Variants in SIRPA observed in about 807,000 individuals in gnomAD.
SIRPA encodes the protein signal regulatory protein alpha.
SIRPA carries 9 observed loss-of-function variants against 50.3 expected under a neutral mutation model. That is an observed-to-expected ratio of 0.18 (90% CI 0.11 to 0.31). The LOEUF (loss-of-function observed/expected upper bound fraction) is 0.31, where lower values mean the gene tolerates loss of function less well. Ranked by LOEUF, SIRPA falls within the 10% of genes least tolerant of loss-of-function variation. The probability of loss-of-function intolerance (pLI) is 1.00; values close to 1 mark genes in which losing one functional copy is unlikely to be tolerated. For synonymous variants in SIRPA, 265 were observed against 284.1 expected, an observed-to-expected ratio of 0.93 and a Z score of 0.68; for missense variants, 474 against 661.6, an observed-to-expected ratio of 0.72 and a Z score of 3.11.
intron 1 of SIRPA, among the ~76,000 whole-genome samples, chr20:1,908,695 G>A (rs1027383508): frequency 6.6e-6 from 1 of 152,150 alleles, no homozygotes; most frequent in Admixed American, 6.5e-5. Flanking sequence ...TGCACCCTCA[G>A]CACACTCATG....
rs1409081892 is a variant in SIRPA at position 1,937,187 on chromosome 20, A to G, written c.1267-133A>G. The G allele has an allele frequency of 3.7e-6, 4 of 1,092,692 alleles. No individual in the cohort carries two copies. The highest frequency in any genetic ancestry group is 2.4e-5 in the Admixed American group (1 of 42,322). The allele number at this position is 1,092,692 out of a possible 1,614,324, so 67.7% of individuals were successfully genotyped here. Reference sequence around the variant, plus strand: ...AACGTTGGCAAGAGATGAGGGGAACATGACTTATGGCTGAGCCAGTGTGGG... The same window carrying G: ...AACGTTGGCAAGAGATGAGGGGAACGTGACTTATGGCTGAGCCAGTGTGGG... On this transcript the variant is annotated intron_variant, in intron 7 of 7. Transcript: ENST00000358771. The surrounding 1 kb of genome is among the most constrained non-coding windows in gnomAD (Gnocchi z 8.3).
At chr20:1,915,795 C>T (rs538314801) in intron 2 of SIRPA, among the ~76,000 whole-genome samples, 4 of 152,344 alleles carry the variant, frequency 2.6e-5, no homozygotes, top group East Asian at 1.9e-4. Flanking sequence ...CACCTGCTGC[C>T]TCCAGAGAGC....
rs117812585 is a variant in SIRPA, at chr20:1,896,393, G to A, written c.79+867G>A. Among the ~76,000 whole-genome samples the A allele has an allele frequency of 1.5e-3, 224 of 149,292 alleles. 3 individuals are homozygous for A. The East Asian group carries it at 0.041, about 27-fold the overall frequency. On this transcript the variant is annotated intron_variant, in intron 1 of 7. Transcript: ENST00000358771. ...ACCAAAGGGTGAGGTCACCATTCAG[G>A]AGTCTTGCTTCTTAAATGGGTTTTG...
At chr20:1,926,603 C>T (rs1568509993) in intron 5 of SIRPA, among the ~76,000 whole-genome samples, 1 of 152,208 alleles carries the variant, frequency 6.6e-6, no homozygotes, top group Non-Finnish European at 1.5e-5. Context: ...TTCCAATGTG[C>T]CAGGCACTGC....
In SIRPA at chr20:1,937,092, C is replaced by T. The variant is rs879758364; in HGVS notation, c.1267-228C>T. The stretch of plus-strand genomic sequence containing the variant: ...GGGGCTGTGAGGAGACTGCACTGTG[C>T]GGGTCAGAAAGACCCTTCAGGCAGG... On this transcript the variant is annotated intron_variant, in intron 7 of 7. Transcript: ENST00000358771. The surrounding 1 kb of genome is among the most constrained non-coding windows in gnomAD (Gnocchi z 8.3). Among the ~76,000 whole-genome samples the T allele has an allele frequency of 1.3e-5, 2 of 151,862 alleles. No homozygotes were observed. Among genetic ancestry groups the T allele is most frequent in the Admixed American group, 6.6e-5 (1 of 15,256 alleles).
At chr20:1,930,226 C>T (rs1025068087) in intron 6 of SIRPA, among the ~76,000 whole-genome samples, 4 of 152,198 alleles carry the variant, frequency 2.6e-5, no homozygotes, top group Admixed American at 1.3e-4. Context: ...CGACATCCTC[C>T]AGGGTCGGAG....
Position 1,922,469 on chromosome 20 carries a change from A to C in SIRPA, c.911A>C (p.Glu304Ala). 6.2e-7 allele frequency: 1 copy of C among 1,614,248 alleles called. No homozygotes were observed. Residue 304 changes from glutamate to alanine, a missense_variant, in exon 4 of 8, where the codon GAG becomes GCG. By Grantham distance (107) the Glu-to-Ala change is moderately radical. Transcript: ENST00000358771. ...SRTETASTVT[E>A]NKDGTYNWMS... ...ACAGAAACGGCCTCAACCGTTACAG[A>C]GAACAAGGATGGTACCTACAACTGG...
rs764170810 is a variant in SIRPA at position 1,928,816 on chromosome 20, C to A, written c.1226+917C>A. Reference sequence around the variant, plus strand: ...AGGAAGACCCAGGTCCTCGGCATCCCGGTGTCCTTTGCAGATGCCCCTGCA... The same window carrying A: ...AGGAAGACCCAGGTCCTCGGCATCCAGGTGTCCTTTGCAGATGCCCCTGCA... On this transcript the variant is annotated intron_variant, in intron 6 of 7. Transcript: ENST00000358771. The surrounding 1 kb of genome is among the most constrained non-coding windows in gnomAD (Gnocchi z 4.9). Among the ~76,000 whole-genome samples, 2 of 152,122 alleles carry A rather than the reference C, an allele frequency of 1.3e-5. No individual in the cohort carries two copies. The highest frequency in any genetic ancestry group is 4.2e-4 in the South Asian group (2 of 4,816).
At chr20:1,918,360 C>CTTTTTTTT (rs60736526) in intron 2 of SIRPA, among the ~76,000 whole-genome samples, 917 of 95,462 alleles carry the variant, frequency 9.6e-3, no homozygotes, top group Non-Finnish European at 0.011. Flanking sequence ...ACCACACCAG[C>CTTTTTTTT]TTTTTTTTTT....
chr20:1,912,809 A>T (rs1984978596), intron 1 of SIRPA, among the ~76,000 whole-genome samples: 1 of 152,228 alleles, frequency 6.6e-6, no homozygotes, highest in Non-Finnish European at 1.5e-5. Flanking sequence ...TGCTGGCCCT[A>T]GCAACTGTGC....
Position 1,940,083 on chromosome 20 carries a change from G to A in SIRPA, c.*2515G>A, listed in dbSNP as rs1448437717. On this transcript the variant is annotated 3_prime_UTR_variant, in exon 8 of 8. Transcript: ENST00000358771. ...ATTTTTGTTTGCCCTGGCTCAGAAG[G>A]AGCCGGTGTAAGGTTGAGATAAAAT... is the stretch of plus-strand genomic sequence containing the variant. 2 of 152,240 alleles carry A rather than the reference G, an allele frequency of 1.3e-5. No homozygotes were observed. The highest frequency in any genetic ancestry group is 2.9e-5 in the Non-Finnish European group (2 of 68,040). 9.4% of individuals were successfully genotyped at this position (152,240 alleles called of 1,614,324 possible).
In SIRPA at chr20:1,932,984, T is replaced by A. The variant is rs1439955252; in HGVS notation, c.1227-1731T>A. ...TTTGAAAGAGAAGAACCCAATGTTT[T>A]GAGAATGGAGTTTGGGGGTTCAGTG... On this transcript the variant is annotated intron_variant, in intron 6 of 7. Coordinates refer to ENST00000358771, the MANE Select transcript of SIRPA (RefSeq NM_001040023.2). This position sits in a 1 kb window ranked among gnomAD's most constrained non-coding sequence, Gnocchi z 6.0. 6.6e-6 allele frequency among the ~76,000 whole-genome samples: 1 copy of A among 152,186 alleles called. No homozygotes were observed. Among genetic ancestry groups the A allele is most frequent in the African/African-American group, 2.4e-5 (1 of 41,440 alleles).
chr20:1,917,958 G>A (rs1467101611), intron 2 of SIRPA, among the ~76,000 whole-genome samples: 1 of 152,202 alleles, frequency 6.6e-6, no homozygotes, highest in African/African-American at 2.4e-5. Flanking sequence ...CAGGGTTCAT[G>A]AAGTTCAGGC....
chr20:1,914,784 A>G (rs1032069005), intron 1 of SIRPA, among the ~76,000 whole-genome samples: 20 of 151,998 alleles, frequency 1.3e-4, no homozygotes, highest in Admixed American at 8.5e-4. Flanking sequence ...TCTGTCTGGA[A>G]TACCAGGCTC....
In SIRPA at chr20:1,915,413, G is replaced by A. The variant is rs115287948; in HGVS notation, c.394G>A (p.Val132Met). The A allele has an allele frequency of 0.37, 524,716 of 1,435,160 alleles. 120,271 individuals carry two copies. The highest frequency in any genetic ancestry group is 0.66 in the East Asian group (28,897 of 43,792). The allele number at this position is 1,435,160 out of a possible 1,614,324, so 88.9% of individuals were successfully genotyped here. The change falls in exon 2 of 8, where the codon GTG becomes ATG. Residue 132 changes from valine to methionine, a missense_variant. Coordinates refer to ENST00000358771, the MANE Select transcript of SIRPA (RefSeq NM_001040023.2). ...GTTCCGGAAAGGGAGCCCCGATGAC[G>A]TGGAGTTTAAGTCTGGAGCAGGCAC... ...VKFRKGSPDD[V>M]EFKSGAGTEL...
rs769020458 is a variant in SIRPA at position 1,915,283 on chromosome 20, C to A, written c.264C>A (p.Pro88=). The A allele has an allele frequency of 7.4e-6, 12 of 1,613,368 alleles. No individual in the cohort carries two copies. The African/African-American group carries it at 1.2e-4, about 16-fold the overall frequency. The part of the protein sequence containing the change: ...LIYNQKEGHF[P]RVTTVSDLTK... ...ACAATCAAAAAGAAGGCCACTTCCC[C>A]CGGGTAACAACTGTTTCAGACCTCA... is the stretch of plus-strand genomic sequence containing the variant. The change falls in exon 2 of 8, where the codon CCC becomes CCA. Residue 88 remains proline (P), a synonymous_variant. Transcript: ENST00000358771.
At chr20:1,900,588 T>A (rs1237341307) in intron 1 of SIRPA, among the ~76,000 whole-genome samples, 1 of 152,194 alleles carries the variant, frequency 6.6e-6, no homozygotes, top group Non-Finnish European at 1.5e-5. Context: ...GAGCCCTCTG[T>A]GCTTTCATCC....
At chr20:1,897,382 A>G (rs949928028) in intron 1 of SIRPA, among the ~76,000 whole-genome samples, 2 of 152,364 alleles carry the variant, frequency 1.3e-5, no homozygotes, top group East Asian at 1.9e-4. Context: ...AGGTGCGACC[A>G]TCATAGCTCA....
chr20:1,895,468 C>T lies in SIRPA; in HGVS notation c.21C>T (p.Ala7=). ...GGCCCATGGAGCCCGCCGGCCCGGC[C>T]CCCGGCCGCCTCGGGCCGCTGCTCT... is the stretch of plus-strand genomic sequence containing the variant. MEPAGP[A]PGRLGPLLCL... Residue 7 remains alanine, a synonymous_variant, in exon 1 of 8, where the codon GCC becomes GCT. Transcript: ENST00000358771. 5 of 1,430,466 alleles carry T rather than the reference C, an allele frequency of 3.5e-6. No individual in the cohort carries two copies. Among genetic ancestry groups the T allele is most frequent in the Non-Finnish European group, 4.6e-6 (5 of 1,098,346 alleles). The allele number at this position is 1,430,466 out of a possible 1,614,324, so 88.6% of individuals were successfully genotyped here.
Sources: allele counts gnomAD v4.1 joint callset (sites outside exome capture counted in the v4.1 genomes callset), GRCh38; gene constraint gnomAD v4.1.1; non-coding constraint Gnocchi (gnomAD v3.1); transcripts MANE v1.5; gene names NCBI Gene and HGNC (gene_info 2026-07-23, HGNC 2026-07-21).